Variants in EPS8 observed in about 807,000 individuals in gnomAD.
EPS8 encodes epidermal growth factor receptor kinase substrate 8.
EPS8 carries 42 observed loss-of-function variants against 103.8 expected under a neutral mutation model. That is an observed-to-expected ratio of 0.40 (90% CI 0.32 to 0.52). The LOEUF is 0.52. EPS8 is among the 20% of genes least tolerant of loss of function. The pLI, the probability that EPS8 is intolerant of heterozygous loss-of-function variation, is 0.40. For missense variants in EPS8, 969 were observed against 1,005.1 expected, an observed-to-expected ratio of 0.96 and a Z score of 0.49; for synonymous variants, 344 against 344.6, an observed-to-expected ratio of 1.00 and a Z score of 0.02.
intron 14 of EPS8, among the ~76,000 whole-genome samples, chr12:15,647,768 T>C (rs1945344808): frequency 6.6e-6 from 1 of 152,196 alleles, no homozygotes; most frequent in Non-Finnish European, 1.5e-5. Context: ...GACAGGAGAC[T>C]ACTGGGAGCT....
Position 15,714,838 on chromosome 12 carries a change from A to G in EPS8, c.-21-31866T>C, listed in dbSNP as rs1946511276. Among the ~76,000 whole-genome samples, 1 of 152,218 alleles carries G rather than the reference A, an allele frequency of 6.6e-6. No individual in the cohort carries two copies. The highest frequency in any genetic ancestry group is 2.4e-5 in the African/African-American group (1 of 41,450). On this transcript the variant is annotated intron_variant, in intron 1 of 20. Coordinates refer to ENST00000281172, the MANE Select transcript of EPS8 (RefSeq NM_004447.6). This position sits in a 1 kb window ranked among gnomAD's most constrained non-coding sequence, Gnocchi z 4.1. ...TTTTTAAAATGTATTTAGAAAAGCAATAGTCAATGTCAGAAGTCAATTGCC... is the reference window on the plus strand; with the variant it reads ...TTTTTAAAATGTATTTAGAAAAGCAGTAGTCAATGTCAGAAGTCAATTGCC...
In EPS8 at chr12:15,731,801, C is replaced by T. The variant is rs554593673; in HGVS notation, c.-21-48829G>A. Among the ~76,000 whole-genome samples, 63 of 152,188 alleles carry T rather than the reference C, an allele frequency of 4.1e-4. No individual in the cohort carries two copies. The highest frequency in any genetic ancestry group is 1.3e-3 in the African/African-American group (56 of 41,526). ...CTGTTCAGTGTGCTGTTAGCTAACC[C>T]CTACAGCTTGTGCAGTCATATTCTG... On this transcript the variant is annotated intron_variant, in intron 1 of 20. Coordinates refer to ENST00000281172, the MANE Select transcript of EPS8 (RefSeq NM_004447.6). This position sits in a 1 kb window ranked among gnomAD's most constrained non-coding sequence, Gnocchi z 5.1.
At chr12:15,729,297 T>C (rs1295429885) in intron 1 of EPS8, among the ~76,000 whole-genome samples, 1 of 152,214 alleles carries the variant, frequency 6.6e-6, no homozygotes, top group African/African-American at 2.4e-5. Context: ...GTTTGATGTC[T>C]GTCATTAATT....
chr12:15,624,469 G>A, intron 18 of EPS8, 62 bp from the exon 19 acceptor site: 3 of 1,284,488 alleles, frequency 2.3e-6, no homozygotes, highest in Non-Finnish European at 2.2e-6. Context: ...ACCCTCTCTA[G>A]AACCCCAATC....
chr12:15,723,571 ATGT>A (rs1946622068), intron 1 of EPS8, among the ~76,000 whole-genome samples: 2 of 152,162 alleles, frequency 1.3e-5, no homozygotes, highest in South Asian at 4.1e-4. Flanking sequence ...TCTTGGATTT[ATGT>A]TTTCACTGTC....
Position 15,762,835 on chromosome 12 carries a change from A to G in EPS8, c.-22+26326T>C, listed in dbSNP as rs1947055832. ...AAAATAGTTAAAAAGAATAAGACCT[A>G]GTATTTGATAGCACAACAGGGTGAC... On this transcript the variant is annotated intron_variant, in intron 1 of 20. Coordinates refer to ENST00000281172, the MANE Select transcript of EPS8 (RefSeq NM_004447.6). This position sits in a 1 kb window ranked among gnomAD's most constrained non-coding sequence, Gnocchi z 4.8. 6.6e-6 allele frequency among the ~76,000 whole-genome samples: 1 copy of G among 152,198 alleles called. No individual in the cohort carries two copies. The highest frequency in any genetic ancestry group is 2.4e-5 in the African/African-American group (1 of 41,448).
Position 15,670,910 on chromosome 12 carries a change from A to C in EPS8, c.150T>G (p.Asn50Lys). ...SAKALYEQRK[N>K]YARDSVSSVS... ...CACTGCTGACACTGTCCCGTGCATA[A>C]TTCTTCCTTTGTTCTGAAAGAGAAA... The change falls in exon 4 of 21, where the codon AAT (asparagine) becomes AAG (lysine). Residue 50 changes from asparagine to lysine, a missense_variant. Coordinates refer to ENST00000281172, the MANE Select transcript of EPS8 (RefSeq NM_004447.6). 1 of 1,611,912 alleles carries C rather than the reference A, an allele frequency of 6.2e-7. No individual in the cohort carries two copies. Among genetic ancestry groups the C allele is most frequent in the Non-Finnish European group, 8.5e-7 (1 of 1,178,442 alleles).
intron 12 of EPS8, chr12:15,657,853 T>C (rs889297756): frequency 1.5e-5 from 7 of 476,226 alleles, no homozygotes; most frequent in African/African-American, 1.4e-4. Flanking sequence ...TCCCTAGCAC[T>C]GTCAGAGATA....
In EPS8 at chr12:15,748,625, T is replaced by G. The variant is rs1946899153; in HGVS notation, c.-22+40536A>C. The stretch of plus-strand genomic sequence containing the variant: ...CTCAAATAAAGTATAAACACGTAGC[T>G]TTCATTCCTTTCATCTGATATAAAG... On this transcript the variant is annotated intron_variant, in intron 1 of 20. Coordinates refer to ENST00000281172, the MANE Select transcript of EPS8 (RefSeq NM_004447.6). This position sits in a 1 kb window ranked among gnomAD's most constrained non-coding sequence, Gnocchi z 4.8. Among the ~76,000 whole-genome samples the G allele has an allele frequency of 6.6e-6, 1 of 152,190 alleles. No homozygotes were observed. The highest frequency in any genetic ancestry group is 1.5e-5 in the Non-Finnish European group (1 of 68,032).
intron 1 of EPS8, among the ~76,000 whole-genome samples, chr12:15,726,823 G>A (rs1398087795): frequency 6.6e-6 from 1 of 152,144 alleles, no homozygotes; most frequent in East Asian, 1.9e-4. Flanking sequence ...AGGGATAAAT[G>A]AAATCATATA....
At chr12:15,782,819 C>T (rs945842868) in intron 1 of EPS8, among the ~76,000 whole-genome samples, 4 of 152,154 alleles carry the variant, frequency 2.6e-5, no homozygotes, top group African/African-American at 7.2e-5. Flanking sequence ...ATTTCATAGC[C>T]ACCTCCTGTT....
rs773623666 is a variant in EPS8 at position 15,700,490 on chromosome 12, T to C, written c.-21-17518A>G. On this transcript the variant is annotated intron_variant, in intron 1 of 20. Transcript: ENST00000281172. The surrounding 1 kb of genome is among the most constrained non-coding windows in gnomAD (Gnocchi z 5.1). ...CTGGTCACCTGACTCCACTCCTTTC[T>C]GAAGCAAAATTGGTGTGAAAACAGA... Among the ~76,000 whole-genome samples the C allele has an allele frequency of 6.6e-6, 1 of 152,220 alleles. No individual in the cohort carries two copies. The highest frequency in any genetic ancestry group is 2.4e-5 in the African/African-American group (1 of 41,458).
In EPS8 at chr12:15,727,294, G is replaced by A. The variant is rs1305306317; in HGVS notation, c.-21-44322C>T. On this transcript the variant is annotated intron_variant, in intron 1 of 20. Transcript: ENST00000281172. This position sits in a 1 kb window ranked among gnomAD's most constrained non-coding sequence, Gnocchi z 4.3. ...GCTTTAGAAGCAACGATTCGAAGTA[G>A]ATTAACTCTCACTATATCCCCAAGT... Among the ~76,000 whole-genome samples, 2 of 152,142 alleles carry A rather than the reference G, an allele frequency of 1.3e-5. No homozygotes were observed. Among genetic ancestry groups the A allele is most frequent in the African/African-American group, 4.8e-5 (2 of 41,426 alleles).
rs1947001418 is a variant in EPS8 at position 15,757,654 on chromosome 12, G to GAAAAAT, written c.-22+31506_-22+31507insATTTTT. 1.3e-5 allele frequency among the ~76,000 whole-genome samples: 2 copies of GAAAAAT among 151,852 alleles called. No homozygotes were observed. The highest frequency in any genetic ancestry group is 2.4e-5 in the African/African-American group (1 of 41,362). ...AAGAAAAAAAAAAGAAAAAGAAAAA[G>GAAAAAT]AAAAAGATGAAGTGGCCACCACTTA... is the stretch of plus-strand genomic sequence containing the variant. On this transcript the variant is annotated intron_variant, in intron 1 of 20. Coordinates refer to ENST00000281172, the MANE Select transcript of EPS8 (RefSeq NM_004447.6). The surrounding 1 kb of genome is among the most constrained non-coding windows in gnomAD (Gnocchi z 4.1).
intron 19 of EPS8, among the ~76,000 whole-genome samples, chr12:15,623,554 G>A (rs996456649): frequency 6.6e-6 from 1 of 152,060 alleles, no homozygotes; most frequent in Non-Finnish European, 1.5e-5. Flanking sequence ...CCAATTCTTG[G>A]GATTTGGTGT....
intron 17 of EPS8, among the ~76,000 whole-genome samples, chr12:15,632,088 A>T (rs1801730513): frequency 1.3e-5 from 2 of 152,338 alleles, no homozygotes; most frequent in African/African-American, 4.8e-5. Flanking sequence ...TGTACGCTAT[A>T]TTCAAAGATT....
rs564585052 is a variant in EPS8 at position 15,697,400 on chromosome 12, G to A, written c.-21-14428C>T. On this transcript the variant is annotated intron_variant, in intron 1 of 20. Transcript: ENST00000281172. The surrounding 1 kb of genome is among the most constrained non-coding windows in gnomAD (Gnocchi z 5.6). ...AAGAGGAAGAGGCAGAACAGCAGCA[G>A]CAGCGGCAATGGCTCACATCTAGAA... Among the ~76,000 whole-genome samples the A allele has an allele frequency of 2.0e-4, 30 of 152,338 alleles. No homozygotes were observed. The highest frequency in any genetic ancestry group is 6.5e-4 in the African/African-American group (27 of 41,584).
At position 15,781,185 on chromosome 12, in the gene EPS8, T is replaced by C. The variant is rs1053382713; in HGVS notation, c.-22+7976A>G. On this transcript the variant is annotated intron_variant, in intron 1 of 20. Transcript: ENST00000281172. This position sits in a 1 kb window ranked among gnomAD's most constrained non-coding sequence, Gnocchi z 4.1. Reference sequence around the variant, plus strand: ...CACCACATACCTCTGGTCAGTAGGATACAGATGAGTCAACAGAAAACAAAG... The same window carrying C: ...CACCACATACCTCTGGTCAGTAGGACACAGATGAGTCAACAGAAAACAAAG... 2.6e-5 allele frequency among the ~76,000 whole-genome samples: 4 copies of C among 152,246 alleles called. No homozygotes were observed. Among genetic ancestry groups the C allele is most frequent in the Non-Finnish European group, 2.9e-5 (2 of 68,042 alleles).
chr12:15,624,542 T>C, intron 18 of EPS8, 135 bp from the exon 19 acceptor site: 2 of 593,688 alleles, frequency 3.4e-6, no homozygotes, highest in Non-Finnish European at 5.7e-6. Flanking sequence ...TCCTCACTTT[T>C]ATCCTCGCCT....
Sources: gnomAD v4.1 joint callset for allele counts (sites outside exome capture counted in the v4.1 genomes callset) on GRCh38, gnomAD v4.1.1 for gene constraint, Gnocchi (gnomAD v3.1) non-coding constraint, MANE v1.5 for transcripts, NCBI Gene and HGNC (gene_info 2026-07-23, HGNC 2026-07-21) for gene names.